CDH18: variants seen among roughly 807,000 people sequenced by gnomAD.
The protein encoded by CDH18 is cadherin-18.
CDH18 carries 31 observed loss-of-function variants against 67.9 expected under a neutral mutation model. The observed-to-expected ratio is 0.46, with a 90% CI of 0.34 to 0.62. The LOEUF (loss-of-function observed/expected upper bound fraction) is 0.62. Ranked by LOEUF, CDH18 falls within the 20% of genes least tolerant of loss-of-function variation. CDH18 has a pLI of 0.01. For synonymous variants in CDH18, 362 were observed against 347.2 expected (o/e 1.04, Z -0.48); for missense variants, 890 against 975.5 (o/e 0.91, Z 1.17).
chr5:19,703,084 G>T (rs897965457), intron 5 of CDH18, among the ~76,000 whole-genome samples: 1 of 152,092 alleles, frequency 6.6e-6, no homozygotes. Flanking sequence ...AGCTCTGAAG[G>T]CTGTCAGCCC....
intron 3 of CDH18, among the ~76,000 whole-genome samples, chr5:19,835,926 C>A (rs1450765110): frequency 2.0e-5 from 3 of 152,086 alleles, no homozygotes; most frequent in African/African-American, 7.2e-5. Flanking sequence ...TCCATCGCCT[C>A]CTGATATGTG....
intron 1 of CDH18, among the ~76,000 whole-genome samples, chr5:20,561,715 C>T (rs961009457): frequency 3.3e-5 from 5 of 151,664 alleles, no homozygotes; most frequent in Admixed American, 3.3e-4. Context: ...GCATGTACAG[C>T]ACTAAGAGTA....
At chr5:19,549,874 A>G (rs16885797) in intron 8 of CDH18, among the ~76,000 whole-genome samples, 2,248 of 152,242 alleles carry the variant, frequency 0.015, 57 homozygotes, top group African/African-American at 0.051. Flanking sequence ...AGAGAGTTTA[A>G]TGAAGAGATC....
intron 1 of CDH18, among the ~76,000 whole-genome samples, chr5:19,986,879 A>G (rs1024491682): frequency 6.6e-6 from 1 of 152,190 alleles, no homozygotes; most frequent in Non-Finnish European, 1.5e-5. Flanking sequence ...CAATTATTGC[A>G]GGAGCAAAGT....
At chr5:19,936,412 G>T (rs1275013375) in intron 2 of CDH18, among the ~76,000 whole-genome samples, 6 of 151,198 alleles carry the variant, frequency 4.0e-5, no homozygotes, top group Non-Finnish European at 8.9e-5. Flanking sequence ...CAAACAGAAA[G>T]TCCTTTAACC....
At chr5:20,379,459 C>T (rs184392237) in intron 1 of CDH18, among the ~76,000 whole-genome samples, 1 of 152,166 alleles carries the variant, frequency 6.6e-6, no homozygotes, top group Admixed American at 6.5e-5. Flanking sequence ...TACGGCCACA[C>T]TGAAAGCTGT....
At chr5:20,509,558 G>A (rs1298860659) in intron 1 of CDH18, among the ~76,000 whole-genome samples, 3 of 92,574 alleles carry the variant, frequency 3.2e-5, no homozygotes, top group East Asian at 6.9e-4. Flanking sequence ...CTACAGGTGC[G>A]TGCCACCACG....
At chr5:20,566,725 TGTTTGC>T (rs1211302097) in intron 1 of CDH18, among the ~76,000 whole-genome samples, 4 of 151,972 alleles carry the variant, frequency 2.6e-5, no homozygotes, top group Non-Finnish European at 4.4e-5. Flanking sequence ...TTTTTTGGCT[TGTTTGC>T]TTATTTGTTT....
chr5:19,781,540 G>A (rs1354648087), intron 3 of CDH18, among the ~76,000 whole-genome samples: 1 of 152,066 alleles, frequency 6.6e-6, no homozygotes, highest in Non-Finnish European at 1.5e-5. Flanking sequence ...TAAAATTATT[G>A]AGGAATAAGT....
chr5:20,056,057 T>A (rs1741880991), intron 2 of CDH18, among the ~76,000 whole-genome samples: 1 of 138,442 alleles, frequency 7.2e-6, no homozygotes, highest in Non-Finnish European at 1.5e-5. Flanking sequence ...CAGGCTGGAG[T>A]GCAGTGGCAC....
At chr5:20,377,523 C>T (rs1743560901) in intron 1 of CDH18, among the ~76,000 whole-genome samples, 1 of 151,892 alleles carries the variant, frequency 6.6e-6, no homozygotes, top group African/African-American at 2.4e-5. Context: ...TACTGTTATT[C>T]GAATCTAGAA....
intron 1 of CDH18, among the ~76,000 whole-genome samples, chr5:20,562,807 G>A (rs17236885): frequency 6.6e-6 from 1 of 151,792 alleles, no homozygotes; most frequent in African/African-American, 2.4e-5. Flanking sequence ...GGAACAATTA[G>A]GTTTAAATCA....
intron 2 of CDH18, among the ~76,000 whole-genome samples, chr5:19,916,966 T>C (rs577584238): frequency 2.0e-5 from 3 of 152,284 alleles, no homozygotes; most frequent in Admixed American, 6.5e-5. Context: ...AAATATTCCA[T>C]TAAAATGATG....
At chr5:20,222,820 T>A (rs1411031140) in intron 2 of CDH18, among the ~76,000 whole-genome samples, 4 of 152,104 alleles carry the variant, frequency 2.6e-5, no homozygotes, top group Non-Finnish European at 5.9e-5. Flanking sequence ...GACAGTTCTT[T>A]AAATAGCCTG....
chr5:20,052,345 A>G (rs1331903901), intron 2 of CDH18, among the ~76,000 whole-genome samples: 1 of 152,080 alleles, frequency 6.6e-6, no homozygotes, highest in Non-Finnish European at 1.5e-5. Context: ...TGGGAGTCCA[A>G]GGTGGTAGGT....
chr5:19,763,994 C>CA (rs60958986), intron 3 of CDH18, among the ~76,000 whole-genome samples: 27,712 of 65,028 alleles, frequency 0.43, 5,890 homozygotes, highest in Non-Finnish European at 0.47. Flanking sequence ...ACTAAAAATA[C>CA]AAAAAAAAAA....
chr5:19,895,310 C>T (rs979748876), intron 2 of CDH18, among the ~76,000 whole-genome samples: 2 of 152,070 alleles, frequency 1.3e-5, no homozygotes, highest in Non-Finnish European at 2.9e-5. Flanking sequence ...TAAGAAGAAG[C>T]CACAAATGCT....
intron 1 of CDH18, among the ~76,000 whole-genome samples, chr5:20,504,580 T>C (rs895113808): frequency 6.6e-6 from 1 of 152,138 alleles, no homozygotes; most frequent in African/African-American, 2.4e-5. Context: ...TATAGAATCA[T>C]GCAAAGAGAT....
intron 1 of CDH18, among the ~76,000 whole-genome samples, chr5:20,421,538 A>C (rs1488202227): frequency 6.6e-6 from 1 of 150,934 alleles, no homozygotes; most frequent in Admixed American, 6.6e-5. Context: ...TCCTAGATAT[A>C]AGATAAAGTT....
Sources: gnomAD v4.1 joint callset for allele counts (sites outside exome capture counted in the v4.1 genomes callset) on GRCh38, gnomAD v4.1.1 for gene constraint, MANE v1.5 for transcripts, NCBI Gene and HGNC (gene_info 2026-07-23, HGNC 2026-07-21) for gene names.